The following SLC17A1 variants were observed in gnomAD, a reference collection of about 807,000 sequenced individuals.
SLC17A1 encodes the protein sodium-dependent phosphate transport protein 1.
In SLC17A1, 51 loss-of-function variants were observed where a neutral mutation model predicts 53.5. The observed-to-expected ratio is 0.95, with a 90% CI of 0.76 to 1.20. The LOEUF is 1.20. Among genes scored for constraint, SLC17A1 ranks in the 50% most tolerant of loss-of-function variants. The pLI is 0.00. For missense variants in SLC17A1, 538 were observed against 568.2 expected (o/e 0.95, Z 0.54); for synonymous variants, 179 against 198.8 (o/e 0.90, Z 0.84).
At chr6:25,733,425 A>G in the SLC17A1 span, among the ~76,000 whole-genome samples, 1 of 152,112 alleles carries the variant, frequency 6.6e-6, no homozygotes, top group East Asian at 1.9e-4. Flanking sequence ...ATATCTAAAC[A>G]TACTCCTAGG....
At chr6:25,760,550 A>G in the SLC17A1 span, among the ~76,000 whole-genome samples, 18 of 152,150 alleles carry the variant, frequency 1.2e-4, no homozygotes, top group Admixed American at 1.1e-3. Context: ...GTTATTTCCT[A>G]AAGTATTGCC....
chr6:25,795,489 G>A (rs1763584837), intron 12 of SLC17A1, among the ~76,000 whole-genome samples: 1 of 152,110 alleles, frequency 6.6e-6, no homozygotes. Context: ...GGCAGGAGGA[G>A]GAGAAGGACC....
chr6:25,813,239 T>C (rs746795031), intron 6 of SLC17A1, 26 bp from the exon 7 acceptor site: 3 of 1,571,928 alleles, frequency 1.9e-6, no homozygotes, highest in African/African-American at 1.3e-5. Flanking sequence ...AAGTTAGAAT[T>C]GGAAGTCTCT....
rs1459759727 is a variant in SLC17A1, at chr6:25,782,978, AG to A, written c.*242del. 2.6e-5 allele frequency: 4 copies of A among 152,232 alleles called. No individual in the cohort carries two copies. The highest frequency in any genetic ancestry group is 9.6e-5 in the African/African-American group (4 of 41,466). The allele number at this position is 152,232 out of a possible 1,614,324, so 9.4% of individuals were successfully genotyped here. ...CATTTATAAAGCAACTGATGCAGAG[AG>A]GAAGACTGAGATAAATCACCACCCC... On this transcript the variant is annotated 3_prime_UTR_variant, in exon 13 of 13. Coordinates refer to ENST00000244527, the MANE Select transcript of SLC17A1 (RefSeq NM_005074.5).
the SLC17A1 span, chr6:25,777,184 G>A: frequency 5.9e-6 from 3 of 506,218 alleles, no homozygotes; most frequent in South Asian, 9.8e-5. Context: ...CAGTGGCCAT[G>A]CTCAGAGTCA....
downstream of SLC17A1, among the ~76,000 whole-genome samples, chr6:25,781,441 G>A (rs551395269): frequency 4.7e-4 from 71 of 152,284 alleles, no homozygotes; most frequent in African/African-American, 1.7e-3. Flanking sequence ...AGTACAGAAA[G>A]GAGACCACTG....
chr6:25,809,721 C>T (rs1244118376), intron 10 of SLC17A1, among the ~76,000 whole-genome samples: 1 of 152,000 alleles, frequency 6.6e-6, no homozygotes, highest in Non-Finnish European at 1.5e-5. Context: ...CAATGCAATC[C>T]TTATCAAAAT....
the SLC17A1 span, among the ~76,000 whole-genome samples, chr6:25,759,566 A>T: frequency 6.6e-6 from 1 of 152,184 alleles, no homozygotes; most frequent in East Asian, 1.9e-4. Context: ...ATCTTTTTCA[A>T]CTGCTGTTGC....
chr6:25,739,560 T>G, the SLC17A1 span, among the ~76,000 whole-genome samples: 1 of 152,318 alleles, frequency 6.6e-6, no homozygotes, highest in South Asian at 2.1e-4. Context: ...TGAGTGAATG[T>G]TTAAACACAC....
At chr6:25,828,642 T>C (rs1764836296) in intron 2 of SLC17A1, among the ~76,000 whole-genome samples, 1 of 152,086 alleles carries the variant, frequency 6.6e-6, no homozygotes, top group Non-Finnish European at 1.5e-5. Context: ...GGTGTCTTTA[T>C]AATTTTCATA....
At position 25,795,913 on chromosome 6, in the gene SLC17A1, A is replaced by G. The variant is rs1395954469; in HGVS notation, c.*2+2870T>C. Among the ~76,000 whole-genome samples the G allele has an allele frequency of 3.9e-5, 6 of 152,328 alleles. No homozygotes were observed. In the East Asian group the frequency reaches 7.7e-4, roughly 20 times the overall value. On this transcript the variant is annotated intron_variant, in intron 12 of 12. Transcript: ENST00000244527. ...TTTTGAAATTGTAACATCAGAATAT[A>G]GTATTCAATAGTAAATGCCAAAGCA... is the stretch of plus-strand genomic sequence containing the variant.
At chr6:25,733,015 C>T in the SLC17A1 span, among the ~76,000 whole-genome samples, 6 of 152,120 alleles carry the variant, frequency 3.9e-5, no homozygotes, top group Admixed American at 3.9e-4. Flanking sequence ...CTACAGCTTT[C>T]GTAAACAGGA....
intron 12 of SLC17A1, among the ~76,000 whole-genome samples, chr6:25,798,264 A>G (rs1246999406): frequency 6.6e-6 from 1 of 152,210 alleles, no homozygotes; most frequent in Non-Finnish European, 1.5e-5. Context: ...CCACTGATAG[A>G]GTTTACATAA....
chr6:25,800,753 A>G, intron 11 of SLC17A1, 137 bp downstream of exon 11: 1 of 603,478 alleles, frequency 1.7e-6, no homozygotes, highest in Non-Finnish European at 3.0e-6. Flanking sequence ...GCCTGATTTG[A>G]CCAAATTTAT....
the SLC17A1 span, among the ~76,000 whole-genome samples, chr6:25,750,988 G>A: frequency 1.3e-3 from 203 of 152,268 alleles, no homozygotes; most frequent in Non-Finnish European, 2.3e-3. Context: ...AGATTAATTA[G>A]GGATTATCAC....
chr6:25,756,554 C>T, the SLC17A1 span, among the ~76,000 whole-genome samples: 1 of 152,152 alleles, frequency 6.6e-6, no homozygotes, highest in African/African-American at 2.4e-5. Flanking sequence ...ACTGTCTGTG[C>T]CTGCATCACG....
At chr6:25,732,043 A>G in the SLC17A1 span, 338 of 1,365,946 alleles carry the variant, frequency 2.5e-4, no homozygotes, top group Non-Finnish European at 2.7e-4. Flanking sequence ...TTGTAGATGT[A>G]AATAGAATAG....
the SLC17A1 span, among the ~76,000 whole-genome samples, chr6:25,751,523 C>T: frequency 1.3e-5 from 2 of 152,206 alleles, no homozygotes; most frequent in African/African-American, 4.8e-5. Context: ...GCACTTGGCT[C>T]ACCATAATTT....
At chr6:25,774,735 T>G in the SLC17A1 span, among the ~76,000 whole-genome samples, 1 of 151,858 alleles carries the variant, frequency 6.6e-6, no homozygotes, top group Non-Finnish European at 1.5e-5. Context: ...AAGAGGAAAA[T>G]GGGAAAATGA....
Sources: gnomAD v4.1 joint callset for allele counts (sites outside exome capture counted in the v4.1 genomes callset) on GRCh38, gnomAD v4.1.1 for gene constraint, MANE v1.5 for transcripts, NCBI Gene and HGNC (gene_info 2026-07-23, HGNC 2026-07-21) for gene names.